The following SNUPN variants were observed in gnomAD, a reference collection of about 807,000 sequenced individuals.
SNUPN encodes snurportin-1.
SNUPN carries 31 observed loss-of-function variants against 39.2 expected under a neutral mutation model. The ratio of observed to expected loss-of-function variants is 0.79; its 90% CI spans 0.59 to 1.07. SNUPN has a LOEUF of 1.07. SNUPN is among the 50% of genes least tolerant of loss of function. SNUPN has a pLI of 0.00. For synonymous variants in SNUPN, 132 were observed against 159.0 expected (o/e 0.83, Z 1.28); for missense variants, 382 against 434.2 (o/e 0.88, Z 1.07).
At chr15:75,623,406 C>A (rs1177708991) in intron 1 of SNUPN, among the ~76,000 whole-genome samples, 1 of 151,940 alleles carries the variant, frequency 6.6e-6, no homozygotes, top group Non-Finnish European at 1.5e-5. Flanking sequence ...ACCTTGGCCT[C>A]CCAAAGTGCT....
intron 1 of SNUPN, among the ~76,000 whole-genome samples, chr15:75,624,413 C>T (rs1224053804): frequency 6.7e-6 from 1 of 148,270 alleles, no homozygotes; most frequent in African/African-American, 2.5e-5. Context: ...AATCCCAGCA[C>T]TTTGGGAGGT....
In SNUPN at chr15:75,598,259, A is replaced by T; in HGVS notation, c.*99T>A. On this transcript the variant is annotated 3_prime_UTR_variant, in exon 9 of 9. Coordinates refer to ENST00000308588, the MANE Select transcript of SNUPN (RefSeq NM_005701.4). ...CAGCTGGACTGGGTTTGGAAAGTTC[A>T]CTCTAAAGAATGAAGTCACCTGTTG... 1.0e-6 allele frequency: 1 copy of T among 952,826 alleles called. No homozygotes were observed. Among genetic ancestry groups the T allele is most frequent in the Non-Finnish European group, 1.5e-6 (1 of 645,184 alleles). 59.0% of individuals were successfully genotyped at this position (952,826 alleles called of 1,614,324 possible). A position where few individuals can be genotyped will look rare whatever the true frequency, so the allele number is the denominator to read the frequency against.
chr15:75,613,167 G>C (rs188660249), intron 3 of SNUPN, among the ~76,000 whole-genome samples: 341 of 149,428 alleles, frequency 2.3e-3, no homozygotes, highest in African/African-American at 8.0e-3. Context: ...GCTGAGGCAG[G>C]AGAATGGCGT....
intron 2 of SNUPN, among the ~76,000 whole-genome samples, chr15:75,619,847 C>T (rs1278875011): frequency 6.6e-6 from 1 of 152,064 alleles, no homozygotes; most frequent in Non-Finnish European, 1.5e-5. Flanking sequence ...CTCCCGGGTT[C>T]AAGTGATTCT....
At chr15:75,621,315 T>C (rs1893065030) in intron 1 of SNUPN, among the ~76,000 whole-genome samples, 1 of 150,300 alleles carries the variant, frequency 6.7e-6, no homozygotes, top group Admixed American at 6.7e-5. Context: ...GGTCGGAGTG[T>C]AGTGGTGCAA....
In SNUPN at chr15:75,620,875, G is replaced by A. The variant is rs1289781665; in HGVS notation, c.158+19C>T. On this transcript the variant is annotated intron_variant, in intron 2 of 8. Transcript: ENST00000308588. Reference sequence around the variant, plus strand: ...CTCCTAGCCCAGAGAAAGAAGACAAGGAGTTAAAGCTTCCTTACGATTTCT... The same window carrying A: ...CTCCTAGCCCAGAGAAAGAAGACAAAGAGTTAAAGCTTCCTTACGATTTCT... 1 of 1,608,610 alleles carries A rather than the reference G, an allele frequency of 6.2e-7. No individual in the cohort carries two copies. The highest frequency in any genetic ancestry group is 1.3e-5 in the African/African-American group (1 of 74,542).
chr15:75,617,551 T>G lies in SNUPN; in HGVS notation c.160A>C (p.Lys54Gln). 1 of 1,604,056 alleles carries G rather than the reference T, an allele frequency of 6.2e-7. No individual in the cohort carries two copies. The highest frequency in any genetic ancestry group is 8.5e-7 in the Non-Finnish European group (1 of 1,177,362). The part of the protein sequence containing the change: ...RRRLLELQKS[K>Q]RLDYVNHARR... ...GCATGGTTCACATAATCCAGCCGCT[T>G]GCTGGAAGGAAAAAAAAGGCATAAG... The change falls in exon 3 of 9, where the codon AAG becomes CAG. Residue 54 changes from lysine to glutamine, a missense_variant and splice_region_variant. Physicochemically the swap from Lys to Gln is moderately conservative, Grantham distance 53. Transcript: ENST00000308588.
At chr15:75,617,325 T>A in intron 3 of SNUPN, 83 bp downstream of exon 3, 1 of 1,434,822 alleles carries the variant, frequency 7.0e-7, no homozygotes, top group Admixed American at 1.9e-5. Context: ...CCTCTCTTTA[T>A]GACAGCATTT....
In SNUPN at chr15:75,617,279, C is replaced by A. The variant is rs990903005; in HGVS notation, c.303+129G>T. The A allele has an allele frequency of 5.3e-6, 5 of 946,964 alleles. No homozygotes were observed. In the African/African-American group the frequency reaches 8.2e-5, roughly 16 times the overall value. 58.7% of individuals were successfully genotyped at this position (946,964 alleles called of 1,614,324 possible). A position where few individuals can be genotyped will look rare whatever the true frequency, so the allele number is the denominator to read the frequency against. On this transcript the variant is annotated intron_variant, in intron 3 of 8. Coordinates refer to ENST00000308588, the MANE Select transcript of SNUPN (RefSeq NM_005701.4). ...TATGATCTACGTACACTGGCATGTTCTTTGCAGTTCCTATTCCTTTTTCCT... is the reference window on the plus strand; with the variant it reads ...TATGATCTACGTACACTGGCATGTTATTTGCAGTTCCTATTCCTTTTTCCT...
At chr15:75,624,667 A>G in intron 1 of SNUPN, 1 of 1,157,006 alleles carries the variant, frequency 8.6e-7, no homozygotes, top group Non-Finnish European at 1.1e-6. Context: ...CTCAAAAAGA[A>G]AAAAAAAAGA....
At chr15:75,622,496 G>C in intron 1 of SNUPN, 1 of 985,110 alleles carries the variant, frequency 1.0e-6, no homozygotes, top group South Asian at 4.7e-5. Flanking sequence ...GGACCCTAAA[G>C]AATGGGAGTG....
At chr15:75,620,769 C>A in intron 2 of SNUPN, 125 bp downstream of exon 2, 1 of 824,586 alleles carries the variant, frequency 1.2e-6, no homozygotes, top group Non-Finnish European at 1.9e-6. Flanking sequence ...AACCTGTGGG[C>A]AAGAAGATCA....
intron 3 of SNUPN, 81 bp from the exon 4 acceptor site, chr15:75,610,075 GT>G: frequency 9.5e-7 from 1 of 1,050,986 alleles, no homozygotes; most frequent in Non-Finnish European, 1.5e-6. Context: ...TTAATATCCT[GT>G]GTGTATATTA....
chr15:75,622,260 T>C (rs2141380136), intron 1 of SNUPN: 1 of 648,748 alleles, frequency 1.5e-6, no homozygotes, highest in East Asian at 1.4e-4. Flanking sequence ...AAAAATCTGA[T>C]TGTTACTTCC....
Position 75,607,323 on chromosome 15 carries a change from CA to C in SNUPN, c.503-11del. The stretch of plus-strand genomic sequence containing the variant: ...TCTAGAATGGTGTAGTCTGAGGACA[CA>C]AAGCAGAAAGTCAGCACAGAGTTCT... On this transcript the variant is annotated splice_polypyrimidine_tract_variant and intron_variant, in intron 5 of 8. Coordinates refer to ENST00000308588, the MANE Select transcript of SNUPN (RefSeq NM_005701.4). The C allele has an allele frequency of 6.3e-7, 1 of 1,584,884 alleles. No individual in the cohort carries two copies. The highest frequency in any genetic ancestry group is 8.7e-7 in the Non-Finnish European group (1 of 1,153,528).
rs976094398 is a variant in SNUPN, at chr15:75,610,489, GCA to G, written c.304-497_304-496del. Among the ~76,000 whole-genome samples the G allele has an allele frequency of 3.2e-4, 49 of 151,700 alleles. 1 individual carries two copies. The highest frequency in any genetic ancestry group is 1.1e-3 in the African/African-American group (46 of 41,358). ...CTCTAGGGAGTTGGCTGTGTCTCCT[GCA>G]CAGCTGACAGGATGATGGGGGCCAC... On this transcript the variant is annotated intron_variant, in intron 3 of 8. Coordinates refer to ENST00000308588, the MANE Select transcript of SNUPN (RefSeq NM_005701.4).
rs992774469 is a variant in SNUPN, at chr15:75,604,109, T to C, written c.678+1041A>G. 1.3e-4 allele frequency among the ~76,000 whole-genome samples: 20 copies of C among 151,942 alleles called. No homozygotes were observed. The South Asian group carries it at 1.7e-3, about 13-fold the overall frequency. On this transcript the variant is annotated intron_variant, in intron 7 of 8. Transcript: ENST00000308588. ...TACATGATAATAACATCACTGAAAG[T>C]ACTGATCATATTTATTCTCCTATAA...
intron 8 of SNUPN, among the ~76,000 whole-genome samples, chr15:75,599,578 T>C (rs2075269218): frequency 6.6e-6 from 1 of 152,242 alleles, no homozygotes; most frequent in South Asian, 2.1e-4. Flanking sequence ...AGCCATGTTC[T>C]GGGAAACAGT....
At chr15:75,599,469 G>A (rs1595980340) in intron 8 of SNUPN, among the ~76,000 whole-genome samples, 5 of 152,176 alleles carry the variant, frequency 3.3e-5, no homozygotes, top group South Asian at 2.1e-4. Flanking sequence ...AGGCCCCTCC[G>A]GGGCAGCAGA....
Sources: allele counts gnomAD v4.1 joint callset (sites outside exome capture counted in the v4.1 genomes callset), GRCh38; gene constraint gnomAD v4.1.1; transcripts MANE v1.5; gene names NCBI Gene and HGNC (gene_info 2026-07-23, HGNC 2026-07-21).